Variants in PXDNL observed in about 807,000 individuals in gnomAD.
The protein encoded by PXDNL is probable oxidoreductase PXDNL.
A neutral mutation model predicts 150.8 loss-of-function variants in PXDNL; 145 were observed. The observed-to-expected ratio is 0.96, with a 90% CI of 0.84 to 1.10. The LOEUF (loss-of-function observed/expected upper bound fraction) is 1.10. Among genes scored for constraint, PXDNL ranks in the 50% least tolerant of loss-of-function variants. PXDNL has a pLI of 0.00. For missense variants in PXDNL, 2,087 were observed against 1,873.9 expected (o/e 1.11, Z -2.10); for synonymous variants, 757 against 725.7 (o/e 1.04, Z -0.69).
intron 17 of PXDNL, among the ~76,000 whole-genome samples, chr8:51,397,883 C>CGG (rs1808134322): frequency 1.3e-5 from 2 of 152,074 alleles, no homozygotes; most frequent in African/African-American, 4.8e-5. Context: ...TTACATATAT[C>CGG]TCCTAATGCT....
intron 8 of PXDNL, among the ~76,000 whole-genome samples, chr8:51,471,837 C>A (rs1475648450): frequency 6.6e-6 from 1 of 151,972 alleles, no homozygotes; most frequent in African/African-American, 2.4e-5. Flanking sequence ...CAGGCGCTCA[C>A]CACCACGCCC....
At chr8:51,436,992 C>T (rs1809423539) in intron 12 of PXDNL, among the ~76,000 whole-genome samples, 1 of 152,026 alleles carries the variant, frequency 6.6e-6, no homozygotes, top group South Asian at 2.1e-4. Context: ...ACCAAATAAG[C>T]TCAATTAGAA....
At chr8:51,662,125 AG>A (rs1815285406) in intron 1 of PXDNL, among the ~76,000 whole-genome samples, 1 of 152,212 alleles carries the variant, frequency 6.6e-6, no homozygotes, top group Admixed American at 6.5e-5. Context: ...TTGTTCACAA[AG>A]TCCCTGGGAT....
chr8:51,467,849 T>G (rs1432561998), intron 8 of PXDNL, among the ~76,000 whole-genome samples: 2 of 152,104 alleles, frequency 1.3e-5, no homozygotes, highest in African/African-American at 4.8e-5. Context: ...TTCTGAGCTT[T>G]TAATTATTCT....
At chr8:51,338,747 G>A (rs1024571393) in intron 21 of PXDNL, among the ~76,000 whole-genome samples, 2 of 152,166 alleles carry the variant, frequency 1.3e-5, no homozygotes, top group African/African-American at 2.4e-5. Context: ...TTTCCTTCTT[G>A]TTGATTCATC....
At chr8:51,779,196 A>T (rs138423137) in intron 1 of PXDNL, among the ~76,000 whole-genome samples, 6 of 152,366 alleles carry the variant, frequency 3.9e-5, no homozygotes, top group Non-Finnish European at 8.8e-5. Context: ...TCCCATCAGT[A>T]CACAAGCTCT....
chr8:51,339,549 T>A, intron 21 of PXDNL, 75 bp downstream of exon 21: 1 of 1,405,164 alleles, frequency 7.1e-7, no homozygotes, highest in Non-Finnish European at 9.9e-7. Flanking sequence ...TTGTGGAGAG[T>A]TACTGGACAA....
At position 51,385,333 on chromosome 8, in the gene PXDNL, GA is replaced by G. The variant is rs1292773410; in HGVS notation, c.3558-10603del. Among the ~76,000 whole-genome samples, 518 of 134,044 alleles carry G rather than the reference GA, an allele frequency of 3.9e-3. 3 individuals are homozygous for G. Among genetic ancestry groups the G allele is most frequent in the African/African-American group, 7.0e-3 (251 of 35,858 alleles). 87.9% of individuals were successfully genotyped at this position (134,044 alleles called of 152,430 possible). The stretch of plus-strand genomic sequence containing the variant: ...CAGAAGCAGAAAAATAGCTAAAAAG[GA>G]AAAAAAAAAAACACTTTCCACTGTG... On this transcript the variant is annotated intron_variant, in intron 17 of 22. Transcript: ENST00000356297.
At chr8:51,540,474 T>C (rs1228560464) in intron 4 of PXDNL, among the ~76,000 whole-genome samples, 1 of 152,202 alleles carries the variant, frequency 6.6e-6, no homozygotes, top group African/African-American at 2.4e-5. Flanking sequence ...CCTTATAATG[T>C]CTTCTTTGAC....
chr8:51,673,774 T>C (rs1415502857), intron 1 of PXDNL, among the ~76,000 whole-genome samples: 1 of 152,198 alleles, frequency 6.6e-6, no homozygotes, highest in African/African-American at 2.4e-5. Flanking sequence ...CTACATAGTT[T>C]AGTTAAATAT....
chr8:51,482,700 C>T (rs35834263), intron 6 of PXDNL, among the ~76,000 whole-genome samples: 30,087 of 152,062 alleles, frequency 0.2, 3,238 homozygotes, highest in African/African-American at 0.26. Context: ...GTTTTATAAA[C>T]AGGAGTTCCC....
chr8:51,519,174 G>A (rs1811605290), intron 4 of PXDNL, among the ~76,000 whole-genome samples: 1 of 152,254 alleles, frequency 6.6e-6, no homozygotes, highest in African/African-American at 2.4e-5. Context: ...ATTAAAGTAA[G>A]ATAAAAATCT....
intron 19 of PXDNL, among the ~76,000 whole-genome samples, chr8:51,347,735 G>A (rs371618459): frequency 4.0e-5 from 6 of 148,492 alleles, no homozygotes; most frequent in East Asian, 3.9e-4. Context: ...GAGCCACCGC[G>A]CCCGACCTAT....
rs141958905 is a variant in PXDNL at position 51,583,631 on chromosome 8, A to G, written c.308+8996T>C. Among the ~76,000 whole-genome samples the G allele has an allele frequency of 1.3e-3, 198 of 152,302 alleles. 1 individual carries two copies. Among genetic ancestry groups the G allele is most frequent in the Non-Finnish European group, 2.2e-3 (150 of 68,030 alleles). On this transcript the variant is annotated intron_variant, in intron 3 of 22. Transcript: ENST00000356297. ...ACTATATCAGTTCATAGATTTTATGAGGACAGAGCCAAATCTTTTTTGCTC... is the reference window on the plus strand; with the variant it reads ...ACTATATCAGTTCATAGATTTTATGGGGACAGAGCCAAATCTTTTTTGCTC...
At chr8:51,684,013 C>A (rs1203654766) in intron 1 of PXDNL, among the ~76,000 whole-genome samples, 2 of 152,162 alleles carry the variant, frequency 1.3e-5, no homozygotes, top group Non-Finnish European at 2.9e-5. Flanking sequence ...TTACACTTGA[C>A]AAATGGGCCA....
At chr8:51,792,166 G>A (rs114593982) in intron 1 of PXDNL, among the ~76,000 whole-genome samples, 1,513 of 150,104 alleles carry the variant, frequency 0.01, 30 homozygotes, top group African/African-American at 0.035. Context: ...AAACAGCTGC[G>A]GTCAGAGGCG....
intron 10 of PXDNL, among the ~76,000 whole-genome samples, chr8:51,453,267 C>T (rs1042380264): frequency 2.0e-5 from 3 of 152,274 alleles, no homozygotes; most frequent in Non-Finnish European, 4.4e-5. Flanking sequence ...TGACAGTTTC[C>T]TTCCAGATTA....
At chr8:51,436,113 A>C (rs1474140732) in intron 12 of PXDNL, 3 of 515,366 alleles carry the variant, frequency 5.8e-6, no homozygotes. Flanking sequence ...GTCTTGACCC[A>C]GCTTTTGATG....
Position 51,404,127 on chromosome 8 carries a change from C to T in PXDNL, c.3557+3940G>A, listed in dbSNP as rs566875476. ...TGGCCTCAGGAATGAAGCTGCATAC[C>T]CTTGGGGTGAGTGTTTCAGCTCATA... On this transcript the variant is annotated intron_variant, in intron 17 of 22. Transcript: ENST00000356297. Among the ~76,000 whole-genome samples, 99 of 152,248 alleles carry T rather than the reference C, an allele frequency of 6.5e-4. 1 individual carries two copies. The highest frequency in any genetic ancestry group is 1.1e-3 in the Non-Finnish European group (77 of 68,022).
Sources: allele counts gnomAD v4.1 joint callset (sites outside exome capture counted in the v4.1 genomes callset), GRCh38; gene constraint gnomAD v4.1.1; transcripts MANE v1.5; gene names NCBI Gene and HGNC (gene_info 2026-07-23, HGNC 2026-07-21).